The following BANK1 variants were observed in gnomAD, a reference collection of about 807,000 sequenced individuals.
BANK1 encodes B cell scaffold protein with ankyrin repeats 1, also known as B-cell scaffold protein with ankyrin repeats.
BANK1 carries 95 observed loss-of-function variants against 94.5 expected under a neutral mutation model. The ratio of observed to expected loss-of-function variants is 1.00; its 90% CI spans 0.85 to 1.19. The LOEUF (loss-of-function observed/expected upper bound fraction) is 1.19, where lower values mean the gene tolerates loss of function less well. Ranked by LOEUF, BANK1 falls within the 50% of genes most tolerant of loss-of-function variation. The probability of loss-of-function intolerance (pLI) is 0.00; values close to 1 mark genes in which losing one functional copy is unlikely to be tolerated. For missense variants in BANK1, 987 were observed against 932.2 expected (o/e 1.06, Z -0.77); for synonymous variants, 334 against 308.4 (o/e 1.08, Z -0.87).
chr4:101,865,753 C>A (rs1728045260), intron 4 of BANK1, among the ~76,000 whole-genome samples: 1 of 152,020 alleles, frequency 6.6e-6, no homozygotes, highest in South Asian at 2.1e-4. Flanking sequence ...GTTACCACAA[C>A]AGGATTCCAG....
Position 102,035,759 on chromosome 4 carries a change from C to G in BANK1, c.1900+5494C>G, listed in dbSNP as rs576223414. Among the ~76,000 whole-genome samples the G allele has an allele frequency of 3.3e-5, 5 of 151,936 alleles. No homozygotes were observed. In the South Asian group the frequency reaches 1.0e-3, roughly 32 times the overall value. ...AAGCCAGATCTTAGGTTAACAATCA[C>G]AAGAATAACTCATTTTTCATAAGTA... On this transcript the variant is annotated intron_variant, in intron 10 of 16. Transcript: ENST00000322953.
chr4:101,796,434 C>T (rs897150099), intron 1 of BANK1, among the ~76,000 whole-genome samples: 2 of 152,080 alleles, frequency 1.3e-5, no homozygotes, highest in Non-Finnish European at 2.9e-5. Flanking sequence ...ATGTCTTCTA[C>T]GTATCTTCCA....
At chr4:101,823,595 G>A (rs1473139647) in intron 1 of BANK1, among the ~76,000 whole-genome samples, 2 of 152,180 alleles carry the variant, frequency 1.3e-5, no homozygotes, top group African/African-American at 4.8e-5. Context: ...CATAAAAAGT[G>A]ATTAGAGGTG....
At chr4:102,055,869 G>C (rs1190511484) in intron 11 of BANK1, among the ~76,000 whole-genome samples, 1 of 151,970 alleles carries the variant, frequency 6.6e-6, no homozygotes, top group African/African-American at 2.4e-5. Context: ...TTCCTTTAGG[G>C]AGAGAGATGA....
In BANK1 at chr4:101,903,812, G is replaced by A. The variant is rs546540927; in HGVS notation, c.1009+8402G>A. Among the ~76,000 whole-genome samples, 4 of 152,258 alleles carry A rather than the reference G, an allele frequency of 2.6e-5. No individual in the cohort carries two copies. The East Asian group carries it at 5.8e-4, about 22-fold the overall frequency. On this transcript the variant is annotated intron_variant, in intron 6 of 16. Transcript: ENST00000322953. ...TATGGTTACTTTCTGTGGCACAATG[G>A]TAGTGTCATTTACTAAGGTCCCCAA...
At chr4:101,974,365 A>G (rs1725054726) in intron 7 of BANK1, among the ~76,000 whole-genome samples, 1 of 152,110 alleles carries the variant, frequency 6.6e-6, no homozygotes, top group South Asian at 2.1e-4. Context: ...ATACTATAAA[A>G]TTTCTGCCAC....
chr4:102,060,675 A>G (rs561354061), intron 12 of BANK1, among the ~76,000 whole-genome samples: 49 of 152,294 alleles, frequency 3.2e-4, no homozygotes, highest in African/African-American at 8.7e-4. Context: ...TGTTGCTGAA[A>G]TTAAGGTAAA....
chr4:101,929,120 AC>A (rs1723259138), intron 7 of BANK1, among the ~76,000 whole-genome samples: 1 of 151,576 alleles, frequency 6.6e-6, no homozygotes. Flanking sequence ...TGACATTTCA[AC>A]CTGATGTCCA....
At chr4:101,932,619 T>G (rs1185911697) in intron 7 of BANK1, among the ~76,000 whole-genome samples, 1 of 151,532 alleles carries the variant, frequency 6.6e-6, no homozygotes, top group Non-Finnish European at 1.5e-5. Context: ...TTATAGCTGA[T>G]GTATTATATG....
At chr4:102,032,546 T>G (rs1727355829) in intron 10 of BANK1, among the ~76,000 whole-genome samples, 1 of 152,196 alleles carries the variant, frequency 6.6e-6, no homozygotes, top group Non-Finnish European at 1.5e-5. Flanking sequence ...CATTTGATAC[T>G]TCCATCAAAT....
chr4:102,052,826 A>G (rs1051064379), intron 11 of BANK1, among the ~76,000 whole-genome samples: 2 of 152,238 alleles, frequency 1.3e-5, no homozygotes, highest in African/African-American at 4.8e-5. Flanking sequence ...GAACTCATAA[A>G]CAAATGGAAA....
At chr4:102,073,588 G>C (rs1728824628) in intron 15 of BANK1, 96 bp from the exon 16 acceptor site, 2 of 1,101,758 alleles carry the variant, frequency 1.8e-6, no homozygotes, top group Non-Finnish European at 2.6e-6. Context: ...TTCCATGGCT[G>C]TGAAAGGCAA....
intron 4 of BANK1, among the ~76,000 whole-genome samples, chr4:101,863,858 C>G (rs994717062): frequency 6.6e-6 from 1 of 152,036 alleles, no homozygotes; most frequent in African/African-American, 2.4e-5. Flanking sequence ...AGACTAAAGA[C>G]ACTATAGAAA....
chr4:101,900,407 A>G (rs909664561), intron 6 of BANK1, among the ~76,000 whole-genome samples: 1 of 152,254 alleles, frequency 6.6e-6, no homozygotes, highest in Non-Finnish European at 1.5e-5. Flanking sequence ...TAATTACATA[A>G]GACAAAATAT....
intron 10 of BANK1, 67 bp downstream of exon 10, chr4:102,030,332 G>A (rs1727253784): frequency 2.1e-6 from 3 of 1,437,354 alleles, no homozygotes; most frequent in East Asian, 4.6e-5. Context: ...ATGGGAGGAG[G>A]GGATAAGGTG....
At chr4:101,806,579 G>A (rs72921005) in intron 1 of BANK1, among the ~76,000 whole-genome samples, 3,985 of 152,184 alleles carry the variant, frequency 0.026, 59 homozygotes, top group African/African-American at 0.044. Context: ...CCTAGGAGAG[G>A]CAATATTATG....
intron 2 of BANK1, among the ~76,000 whole-genome samples, chr4:101,848,601 T>C (rs1727345784): frequency 6.6e-6 from 1 of 152,206 alleles, no homozygotes; most frequent in Non-Finnish European, 1.5e-5. Context: ...ACTTGAGATA[T>C]AAGAGAAATA....
chr4:101,859,062 A>G (rs1727780244), intron 3 of BANK1, among the ~76,000 whole-genome samples: 1 of 152,220 alleles, frequency 6.6e-6, no homozygotes, highest in Non-Finnish European at 1.5e-5. Context: ...AAAACAGTGT[A>G]CAAAAGCTAA....
chr4:102,026,150 A>G (rs1374238859), intron 9 of BANK1, among the ~76,000 whole-genome samples: 1 of 152,122 alleles, frequency 6.6e-6, no homozygotes, highest in African/African-American at 2.4e-5. Context: ...GGGGTGTGGA[A>G]AGTGGGTGTG....
Sources: allele counts gnomAD v4.1 joint callset (sites outside exome capture counted in the v4.1 genomes callset), GRCh38; gene constraint gnomAD v4.1.1; transcripts MANE v1.5; gene names NCBI Gene and HGNC (gene_info 2026-07-23, HGNC 2026-07-21).